Variants in CNTN6 observed in about 807,000 individuals in gnomAD.
The protein encoded by CNTN6 is contactin-6.
A neutral mutation model predicts 122.8 loss-of-function variants in CNTN6; 137 were observed. That is an observed-to-expected ratio of 1.12 (90% confidence interval 0.97 to 1.29). The LOEUF (loss-of-function observed/expected upper bound fraction) is 1.29. Among genes scored for constraint, CNTN6 ranks in the 50% most tolerant of loss-of-function variants. The probability of loss-of-function intolerance (pLI) is 0.00; values close to 1 mark genes in which losing one functional copy is unlikely to be tolerated. For missense variants in CNTN6, 1,634 were observed against 1,223.4 expected, an observed-to-expected ratio of 1.34 and a Z score of -5.01; for synonymous variants, 570 against 426.0, an observed-to-expected ratio of 1.34 and a Z score of -4.16.
chr3:1,252,220 A>AATT (rs1358901273), intron 4 of CNTN6, among the ~76,000 whole-genome samples: 1 of 152,150 alleles, frequency 6.6e-6, no homozygotes, highest in Admixed American at 6.6e-5. Context: ...TCTCTGTTGA[A>AATT]ATTATCTCTT....
At chr3:1,302,964 C>T (rs471634) in intron 7 of CNTN6, among the ~76,000 whole-genome samples, 8,998 of 151,722 alleles carry the variant, frequency 0.059, 925 homozygotes, top group African/African-American at 0.21. Context: ...ATCTTTGCAT[C>T]TCAGTTTGGG....
chr3:1,117,746 G>A (rs2091782541), intron 1 of CNTN6, among the ~76,000 whole-genome samples: 1 of 152,140 alleles, frequency 6.6e-6, no homozygotes. Flanking sequence ...ACTGGAAGTA[G>A]CAACAAGTGA....
chr3:1,288,624 GC>G (rs1224994643), intron 5 of CNTN6, among the ~76,000 whole-genome samples: 1 of 152,168 alleles, frequency 6.6e-6, no homozygotes, highest in Non-Finnish European at 1.5e-5. Flanking sequence ...CAGGAAACAT[GC>G]TATCAATTTT....
Position 1,280,084 on chromosome 3 carries a change from C to T in CNTN6, c.454+1576C>T, listed in dbSNP as rs190969497. On this transcript the variant is annotated intron_variant, in intron 5 of 22. Transcript: ENST00000446702. ...ATATGCAAAATGGTATCAGTTTGTCCTGTCAGTCTATGTCATTTTATGCTC... is the reference window on the plus strand; with the variant it reads ...ATATGCAAAATGGTATCAGTTTGTCTTGTCAGTCTATGTCATTTTATGCTC... 2.6e-3 allele frequency among the ~76,000 whole-genome samples: 403 copies of T among 152,238 alleles called. 1 individual carries two copies. Among genetic ancestry groups the T allele is most frequent in the African/African-American group, 8.5e-3 (355 of 41,534 alleles).
At chr3:1,179,432 A>G (rs2093514530) in intron 2 of CNTN6, among the ~76,000 whole-genome samples, 1 of 152,130 alleles carries the variant, frequency 6.6e-6, no homozygotes, top group African/African-American at 2.4e-5. Context: ...CGTGGTGGTA[A>G]GAGGAGCATT....
In CNTN6 at chr3:1,175,134, A is replaced by C. The variant is rs183251394; in HGVS notation, c.55+27071A>C. On this transcript the variant is annotated intron_variant, in intron 2 of 22. Coordinates refer to ENST00000446702, the MANE Select transcript of CNTN6 (RefSeq NM_001289080.2). ...GTAGTCACAGACACTCAGGGAGCTG[A>C]GGAAGGAGGATTGCTTGAGGGTGGG... is the stretch of plus-strand genomic sequence containing the variant. Among the ~76,000 whole-genome samples the C allele has an allele frequency of 8.7e-4, 126 of 145,334 alleles. 2 individuals are homozygous for C. The Admixed American group carries it at 8.9e-3, about 10-fold the overall frequency.
chr3:1,315,387 T>C lies in CNTN6; in HGVS notation c.762-6263T>C, dbSNP rs143842363. On this transcript the variant is annotated intron_variant, in intron 7 of 22. Coordinates refer to ENST00000446702, the MANE Select transcript of CNTN6 (RefSeq NM_001289080.2). Reference sequence around the variant, plus strand: ...TTTAGTGGGTGGCAACTCAAAGGAATTAGAAGGTAGATCACAATAAATTAG... The same window carrying C: ...TTTAGTGGGTGGCAACTCAAAGGAACTAGAAGGTAGATCACAATAAATTAG... Among the ~76,000 whole-genome samples the C allele has an allele frequency of 1.1e-4, 16 of 152,028 alleles. No homozygotes were observed. In the East Asian group the frequency reaches 2.7e-3, roughly 26 times the overall value.
chr3:1,374,143 T>A, intron 16 of CNTN6, 70 bp downstream of exon 16: 1 of 1,416,942 alleles, frequency 7.1e-7, no homozygotes. Context: ...AAAACAAGTA[T>A]TTTTATGTGT....
intron 4 of CNTN6, among the ~76,000 whole-genome samples, chr3:1,277,018 A>T (rs1265966590): frequency 2.0e-5 from 3 of 152,192 alleles, no homozygotes; most frequent in Non-Finnish European, 4.4e-5. Context: ...CCTCTCAAAC[A>T]TAGTAAGTGA....
chr3:1,279,215 G>A (rs754453866), intron 5 of CNTN6, among the ~76,000 whole-genome samples: 2 of 152,166 alleles, frequency 1.3e-5, no homozygotes, highest in South Asian at 2.1e-4. Context: ...GGACTGGCCC[G>A]TTGTCAGGGA....
chr3:1,118,253 G>A (rs1213968719), intron 1 of CNTN6, among the ~76,000 whole-genome samples: 2 of 152,138 alleles, frequency 1.3e-5, no homozygotes, highest in African/African-American at 4.8e-5. Context: ...CACAGGACTC[G>A]GTGACTCACT....
At chr3:1,243,317 G>A (rs889835426) in intron 4 of CNTN6, among the ~76,000 whole-genome samples, 3 of 152,288 alleles carry the variant, frequency 2.0e-5, no homozygotes, top group Non-Finnish European at 4.4e-5. Context: ...TGGCTGCTGC[G>A]GTTCAGGTGT....
At chr3:1,178,363 C>A (rs2093490689) in intron 2 of CNTN6, among the ~76,000 whole-genome samples, 1 of 152,112 alleles carries the variant, frequency 6.6e-6, no homozygotes, top group African/African-American at 2.4e-5. Context: ...TATGTCAAGT[C>A]TACTGATAAG....
chr3:1,176,937 A>G (rs995847925), intron 2 of CNTN6, among the ~76,000 whole-genome samples: 1 of 152,170 alleles, frequency 6.6e-6, no homozygotes, highest in African/African-American at 2.4e-5. Context: ...TGCACTTTCT[A>G]CTACAACCAA....
At chr3:1,171,422 G>A (rs1291377917) in intron 2 of CNTN6, among the ~76,000 whole-genome samples, 1 of 152,174 alleles carries the variant, frequency 6.6e-6, no homozygotes, top group Non-Finnish European at 1.5e-5. Flanking sequence ...CAACACTGCT[G>A]AGCAGATAAC....
At chr3:1,124,321 C>G (rs373673016) in intron 1 of CNTN6, among the ~76,000 whole-genome samples, 3 of 151,980 alleles carry the variant, frequency 2.0e-5, no homozygotes, top group East Asian at 3.9e-4. Context: ...TTGGTATACC[C>G]CACCCTTATC....
chr3:1,400,394 G>T (rs577099677), intron 20 of CNTN6, among the ~76,000 whole-genome samples: 1 of 151,998 alleles, frequency 6.6e-6, no homozygotes. Context: ...TCGTTTTCTT[G>T]TATGTAAAAT....
At chr3:1,317,573 A>ATTTGGTG (rs1700267977) in intron 7 of CNTN6, among the ~76,000 whole-genome samples, 2 of 151,826 alleles carry the variant, frequency 1.3e-5, no homozygotes, top group Admixed American at 1.3e-4. Context: ...TTCGGATTTC[A>ATTTGGTG]GAGATGCTTT....
intron 2 of CNTN6, among the ~76,000 whole-genome samples, chr3:1,159,835 C>G (rs549020493): frequency 6.6e-6 from 1 of 151,584 alleles, no homozygotes; most frequent in African/African-American, 2.4e-5. Flanking sequence ...TTTTTCCCCC[C>G]CTCAAGACAA....
Sources: gnomAD v4.1 joint callset for allele counts (sites outside exome capture counted in the v4.1 genomes callset) on GRCh38, gnomAD v4.1.1 for gene constraint, MANE v1.5 for transcripts, NCBI Gene and HGNC (gene_info 2026-07-23, HGNC 2026-07-21) for gene names.